The following XPOT variants were observed in gnomAD, a reference collection of about 807,000 sequenced individuals.
XPOT encodes the protein exportin for tRNA, also known as exportin-T.
XPOT carries 34 observed loss-of-function variants against 128.2 expected under a neutral mutation model. The ratio of observed to expected loss-of-function variants is 0.27; its 90% CI spans 0.20 to 0.35. The LOEUF (loss-of-function observed/expected upper bound fraction) is 0.35, where lower values mean the gene tolerates loss of function less well. XPOT is among the 10% of genes least tolerant of loss of function. XPOT has a pLI of 1.00. For missense variants in XPOT, 838 were observed against 1,125.3 expected (o/e 0.74, Z 3.65); for synonymous variants, 348 against 394.3 (o/e 0.88, Z 1.39).
chr12:64,432,897 G>T (rs543642994), intron 18 of XPOT, among the ~76,000 whole-genome samples: 1 of 152,188 alleles, frequency 6.6e-6, no homozygotes, highest in African/African-American at 2.4e-5. Flanking sequence ...TGTAGGAAAG[G>T]GTTTAAATTT....
chr12:64,412,325 T>G (rs113664681), intron 2 of XPOT, among the ~76,000 whole-genome samples: 2 of 151,944 alleles, frequency 1.3e-5, no homozygotes, highest in African/African-American at 4.8e-5. Flanking sequence ...GCGCCCAGCC[T>G]CCTCCTTTTT....
Position 64,448,278 on chromosome 12 carries a change from G to T in XPOT, c.*147G>T. On this transcript the variant is annotated 3_prime_UTR_variant, in exon 25 of 25. Transcript: ENST00000332707. ...GTTTTGGGATTTTTCTGTAAAATGGGTGTAATTTTCCTAATACAGGTATGT... is the reference window on the plus strand; with the variant it reads ...GTTTTGGGATTTTTCTGTAAAATGGTTGTAATTTTCCTAATACAGGTATGT... The T allele has an allele frequency of 1.3e-6, 1 of 770,138 alleles. No individual in the cohort carries two copies. The highest frequency in any genetic ancestry group is 2.6e-5 in the East Asian group (1 of 38,718). The allele number at this position is 770,138 out of a possible 1,614,324, so 47.7% of individuals were successfully genotyped here. A position where few individuals can be genotyped will look rare whatever the true frequency, so the allele number is the denominator to read the frequency against.
chr12:64,416,298 A>G (rs990547511), intron 3 of XPOT, among the ~76,000 whole-genome samples: 2 of 152,224 alleles, frequency 1.3e-5, no homozygotes, highest in African/African-American at 2.4e-5. Context: ...TTGGACGACC[A>G]TCTTTACTTT....
At chr12:64,424,982 A>G (rs1285373155) in intron 12 of XPOT, 56 bp from the exon 13 acceptor site, 9 of 1,602,478 alleles carry the variant, frequency 5.6e-6, no homozygotes, top group Non-Finnish European at 6.8e-6. Flanking sequence ...CCTGTGCATA[A>G]TTTGCTGTAT....
At chr12:64,409,922 A>G (rs2040021557) in intron 1 of XPOT, 40 bp from the exon 2 acceptor site, 1 of 786,776 alleles carries the variant, frequency 1.3e-6, no homozygotes, top group Admixed American at 1.9e-5. Context: ...CTATTTGTTT[A>G]TCAAGTAATG....
At chr12:64,428,499 A>T (rs1168615693) in intron 16 of XPOT, among the ~76,000 whole-genome samples, 1 of 152,172 alleles carries the variant, frequency 6.6e-6, no homozygotes, top group Non-Finnish European at 1.5e-5. Flanking sequence ...TAATTGTATT[A>T]GCCATTCTTA....
At chr12:64,440,866 T>C (rs2040319316) in intron 23 of XPOT, among the ~76,000 whole-genome samples, 1 of 152,186 alleles carries the variant, frequency 6.6e-6, no homozygotes, top group Non-Finnish European at 1.5e-5. Flanking sequence ...ATCAGATAAA[T>C]GGTTTGCAAA....
At chr12:64,445,795 A>G (rs1193004354) in intron 24 of XPOT, among the ~76,000 whole-genome samples, 1 of 152,228 alleles carries the variant, frequency 6.6e-6, no homozygotes, top group East Asian at 1.9e-4. Context: ...ACAGTGTGAC[A>G]AGGTGAATTA....
intron 18 of XPOT, among the ~76,000 whole-genome samples, chr12:64,432,617 C>G (rs1423733904): frequency 6.6e-6 from 1 of 152,136 alleles, no homozygotes; most frequent in Non-Finnish European, 1.5e-5. Flanking sequence ...CATACCTACC[C>G]TAGAAGACAG....
Position 64,410,086 on chromosome 12 carries a change from T to C in XPOT, c.51T>C (p.Phe17=), listed in dbSNP as rs2040023667. Residue 17 remains phenylalanine, a synonymous_variant, in exon 2 of 25, where the codon TTT becomes TTC. Transcript: ENST00000332707. The part of the protein sequence containing the change: ...LGLNPNADSD[F]RQRALAYFEQ... ...TAAATCCAAATGCTGATTCAGACTT[T>C]AGACAAAGGGTAAGTTACTCTGCTG... The C allele has an allele frequency of 1.2e-6, 2 of 1,613,804 alleles. No homozygotes were observed. The highest frequency in any genetic ancestry group is 1.7e-6 in the Non-Finnish European group (2 of 1,179,944).
At chr12:64,433,786 T>G (rs1173048317) in intron 19 of XPOT, among the ~76,000 whole-genome samples, 183 bp downstream of exon 19, 2 of 152,226 alleles carry the variant, frequency 1.3e-5, no homozygotes, top group African/African-American at 4.8e-5. Context: ...AAAATTAATT[T>G]GTATTCTGTT....
intron 2 of XPOT, 137 bp downstream of exon 2, chr12:64,410,232 A>G (rs1223916422): frequency 6.0e-6 from 4 of 667,652 alleles, no homozygotes; most frequent in Non-Finnish European, 1.0e-5. Flanking sequence ...GTATTTGAAT[A>G]TATTTTGAAT....
At chr12:64,408,866 G>T (rs2040008573) in intron 1 of XPOT, among the ~76,000 whole-genome samples, 1 of 152,186 alleles carries the variant, frequency 6.6e-6, no homozygotes, top group South Asian at 2.1e-4. Context: ...TAGAAACAGG[G>T]TTTCACCGTA....
chr12:64,438,305 CTT>C (rs1411026184), intron 22 of XPOT, among the ~76,000 whole-genome samples: 1 of 152,148 alleles, frequency 6.6e-6, no homozygotes, highest in Non-Finnish European at 1.5e-5. Context: ...TATAAGTTTA[CTT>C]TCCCTGATTC....
chr12:64,415,640 A>T (rs1192709926), intron 3 of XPOT, among the ~76,000 whole-genome samples: 1 of 152,098 alleles, frequency 6.6e-6, no homozygotes, highest in South Asian at 2.1e-4. Context: ...CGGCCTTCCA[A>T]AGTGCTGGGA....
At chr12:64,444,987 A>AG in intron 23 of XPOT, 88 bp from the exon 24 acceptor site, 1 of 1,135,060 alleles carries the variant, frequency 8.8e-7, no homozygotes, top group Non-Finnish European at 1.2e-6. Flanking sequence ...AAAAAAAAAA[A>AG]ATTAAAAAAA....
At position 64,418,974 on chromosome 12, in the gene XPOT, G is replaced by GT. The variant is rs762052135; in HGVS notation, c.378dup (p.Asp127Ter). 1.4e-5 allele frequency: 23 copies of GT among 1,609,712 alleles called. No individual in the cohort carries two copies. Among genetic ancestry groups the GT allele is most frequent in the South Asian group, 3.3e-5 (3 of 90,844 alleles). ...CAGAGTATCTCACTAAGTGGCCCAA[G>GT]TTTTTTTTTGACATTCTCTCAGTAG... On this transcript the variant is annotated frameshift_variant, in exon 6 of 25. Transcript: ENST00000332707. LOFTEE classifies it high-confidence loss of function.
chr12:64,416,601 G>T (rs2040089593), intron 3 of XPOT, 97 bp from the exon 4 acceptor site: 1 of 959,314 alleles, frequency 1.0e-6, no homozygotes. Flanking sequence ...TCTAGTTTGA[G>T]AAACTTTTCT....
chr12:64,424,385 G>A (rs1232032750), intron 11 of XPOT, among the ~76,000 whole-genome samples: 5 of 152,082 alleles, frequency 3.3e-5, no homozygotes, highest in South Asian at 2.1e-4. Flanking sequence ...ATAAAAGTAC[G>A]AAATATGTAA....
Sources: allele counts gnomAD v4.1 joint callset (sites outside exome capture counted in the v4.1 genomes callset), GRCh38; gene constraint gnomAD v4.1.1; transcripts MANE v1.5; gene names NCBI Gene and HGNC (gene_info 2026-07-23, HGNC 2026-07-21).